ZNRF2: variants seen among roughly 807,000 people sequenced by gnomAD.
ZNRF2 encodes the protein E3 ubiquitin-protein ligase ZNRF2.
Under a neutral mutation model 20.4 loss-of-function variants are expected in ZNRF2, and 16 were observed. The ratio of observed to expected loss-of-function variants is 0.79; its 90% confidence interval spans 0.53 to 1.19. The LOEUF (loss-of-function observed/expected upper bound fraction) is 1.19, where lower values mean the gene tolerates loss of function less well. Among genes scored for constraint, ZNRF2 ranks in the 50% most tolerant of loss-of-function variants. ZNRF2 has a pLI of 0.00. For missense variants in ZNRF2, 363 were observed against 332.4 expected (o/e 1.09, Z -0.72); for synonymous variants, 178 against 144.9 (o/e 1.23, Z -1.64).
intron 2 of ZNRF2, among the ~76,000 whole-genome samples, chr7:30,355,423 C>G (rs1800021313): frequency 6.6e-6 from 1 of 152,068 alleles, no homozygotes; most frequent in Non-Finnish European, 1.5e-5. Context: ...GTACAAATAA[C>G]TAGCTTATTG....
rs900036110 is a variant in ZNRF2, at chr7:30,325,433, A to G, written c.565+1696A>G. Among the ~76,000 whole-genome samples, 10 of 152,200 alleles carry G rather than the reference A, an allele frequency of 6.6e-5. No individual in the cohort carries two copies. In the East Asian group the frequency reaches 1.2e-3, roughly 18 times the overall value. On this transcript the variant is annotated intron_variant, in intron 2 of 4. Coordinates refer to ENST00000323037, the MANE Select transcript of ZNRF2 (RefSeq NM_147128.4). ...ACAGAAATGGAGCTTACAGCCTACT[A>G]ATAGTAATAGTCACTGATTTCTTTG...
intron 1 of ZNRF2, among the ~76,000 whole-genome samples, chr7:30,314,823 AT>A (rs549873870): frequency 1.3e-3 from 188 of 144,144 alleles, no homozygotes; most frequent in Admixed American, 1.4e-3. Flanking sequence ...GTATGTATGT[AT>A]TTTTTTTTTT....
intron 1 of ZNRF2, among the ~76,000 whole-genome samples, chr7:30,290,775 G>C (rs1798886308): frequency 6.6e-6 from 1 of 152,210 alleles, no homozygotes; most frequent in Non-Finnish European, 1.5e-5. Context: ...AGCTGAACAT[G>C]TAACTTCTTT....
At chr7:30,361,522 T>C (rs773550946) in intron 3 of ZNRF2, among the ~76,000 whole-genome samples, 1 of 152,240 alleles carries the variant, frequency 6.6e-6, no homozygotes, top group African/African-American at 2.4e-5. Context: ...TGAATCCTGC[T>C]TGGATAACTT....
At chr7:30,319,943 A>G (rs921066247) in intron 1 of ZNRF2, among the ~76,000 whole-genome samples, 4 of 152,148 alleles carry the variant, frequency 2.6e-5, no homozygotes, top group Admixed American at 2.6e-4. Flanking sequence ...CATTTGTAAT[A>G]TTTAGTACTG....
chr7:30,343,911 CT>C (rs34643391), intron 2 of ZNRF2, among the ~76,000 whole-genome samples: 290 of 81,502 alleles, frequency 3.6e-3, no homozygotes, highest in Middle Eastern at 0.021. Context: ...GGGTGGCCAG[CT>C]TTTTTTTTTT....
At position 30,367,143 on chromosome 7, in the gene ZNRF2, A is replaced by G. The variant is rs1334874205; in HGVS notation, c.*1131A>G. ...CAGATAATCTGGAGGTTAGCATTTGATAAATGATTTTTTAAAGTAGATATG... is the reference window on the plus strand; with the variant it reads ...CAGATAATCTGGAGGTTAGCATTTGGTAAATGATTTTTTAAAGTAGATATG... On this transcript the variant is annotated 3_prime_UTR_variant, in exon 5 of 5. Transcript: ENST00000323037. 6.6e-6 allele frequency: 1 copy of G among 152,578 alleles called. No homozygotes were observed. Among genetic ancestry groups the G allele is most frequent in the Non-Finnish European group, 1.5e-5 (1 of 67,958 alleles). The allele number at this position is 152,578 out of a possible 1,614,324, so 9.5% of individuals were successfully genotyped here. A position where few individuals can be genotyped will look rare whatever the true frequency, so the allele number is the denominator to read the frequency against.
At chr7:30,331,928 A>C (rs945372584) in intron 2 of ZNRF2, among the ~76,000 whole-genome samples, 6 of 152,210 alleles carry the variant, frequency 3.9e-5, no homozygotes, top group African/African-American at 1.4e-4. Flanking sequence ...TGGTCATATA[A>C]GAAATTTGAC....
At chr7:30,306,614 A>G (rs917811456) in intron 1 of ZNRF2, among the ~76,000 whole-genome samples, 3 of 152,144 alleles carry the variant, frequency 2.0e-5, no homozygotes, top group African/African-American at 7.2e-5. Flanking sequence ...TACATACATT[A>G]TGGATAAACA....
At chr7:30,347,062 C>T (rs77514870) in intron 2 of ZNRF2, among the ~76,000 whole-genome samples, 111 of 152,006 alleles carry the variant, frequency 7.3e-4, no homozygotes, top group African/African-American at 2.6e-3. Flanking sequence ...TCCTTCCTGT[C>T]TTCCCTCATT....
At chr7:30,311,369 A>G (rs764758795) in intron 1 of ZNRF2, among the ~76,000 whole-genome samples, 1 of 152,178 alleles carries the variant, frequency 6.6e-6, no homozygotes, top group African/African-American at 2.4e-5. Context: ...GTAATGCTAT[A>G]TTTGATTCTT....
At chr7:30,340,176 A>G (rs1397062767) in intron 2 of ZNRF2, among the ~76,000 whole-genome samples, 2 of 152,180 alleles carry the variant, frequency 1.3e-5, no homozygotes, top group Admixed American at 6.5e-5. Context: ...CTAAATATAC[A>G]ATCATGTCAT....
chr7:30,293,680 G>C (rs562752988), intron 1 of ZNRF2, among the ~76,000 whole-genome samples: 1 of 152,202 alleles, frequency 6.6e-6, no homozygotes, highest in African/African-American at 2.4e-5. Context: ...TTGGGACTAC[G>C]TAAAATTTTT....
At chr7:30,317,976 A>C (rs567276372) in intron 1 of ZNRF2, among the ~76,000 whole-genome samples, 36 of 152,246 alleles carry the variant, frequency 2.4e-4, no homozygotes, top group Admixed American at 2.2e-3. Context: ...TGTCATATTC[A>C]TTGCATTTCT....
chr7:30,348,254 A>C (rs1172329717), intron 2 of ZNRF2, among the ~76,000 whole-genome samples: 1 of 151,010 alleles, frequency 6.6e-6, no homozygotes, highest in African/African-American at 2.4e-5. Flanking sequence ...AGTCAGTGGC[A>C]ACAACAACCC....
intron 1 of ZNRF2, among the ~76,000 whole-genome samples, chr7:30,309,704 T>C (rs1420416045): frequency 6.6e-6 from 1 of 152,226 alleles, no homozygotes; most frequent in East Asian, 1.9e-4. Context: ...AACTAACCTG[T>C]TATTAAGCAG....
intron 1 of ZNRF2, among the ~76,000 whole-genome samples, chr7:30,289,641 A>C (rs1000305971): frequency 9.2e-5 from 14 of 152,180 alleles, no homozygotes; most frequent in African/African-American, 3.1e-4. Flanking sequence ...TTCGTGTTAC[A>C]TGTTTTGCTG....
intron 3 of ZNRF2, among the ~76,000 whole-genome samples, chr7:30,358,263 T>C (rs1482584003): frequency 6.6e-6 from 1 of 152,176 alleles, no homozygotes; most frequent in Admixed American, 6.5e-5. Flanking sequence ...TGCATTCATA[T>C]TGCAACAAGA....
intron 2 of ZNRF2, among the ~76,000 whole-genome samples, chr7:30,342,345 T>G (rs538117530): frequency 6.6e-6 from 1 of 152,234 alleles, no homozygotes; most frequent in Non-Finnish European, 1.5e-5. Context: ...CAGTTTGTTA[T>G]GTTTTTGTAG....
Sources: gnomAD v4.1 joint callset for allele counts (sites outside exome capture counted in the v4.1 genomes callset) on GRCh38, gnomAD v4.1.1 for gene constraint, MANE v1.5 for transcripts, NCBI Gene and HGNC (gene_info 2026-07-23, HGNC 2026-07-21) for gene names.